The following PTPRF variants were observed in gnomAD, a reference collection of about 807,000 sequenced individuals.
The protein encoded by PTPRF is receptor-type tyrosine-protein phosphatase F.
A neutral mutation model predicts 201.8 loss-of-function variants in PTPRF; 59 were observed. That is an observed-to-expected ratio of 0.29 (90% CI 0.24 to 0.36). The LOEUF is 0.36. PTPRF is among the 10% of genes least tolerant of loss of function. The probability of loss-of-function intolerance (pLI) is 1.00; values close to 1 mark genes in which losing one functional copy is unlikely to be tolerated. For synonymous variants in PTPRF, 1,088 were observed against 1,089.7 expected (o/e 1.00, Z 0.03); for missense variants, 2,132 against 2,690.5 (o/e 0.79, Z 4.59).
intron 6 of PTPRF, among the ~76,000 whole-genome samples, chr1:43,572,966 C>G (rs935234349): frequency 3.3e-5 from 5 of 152,112 alleles, no homozygotes; most frequent in Non-Finnish European, 4.4e-5. Context: ...CCCAGGCCCC[C>G]ACTGACCAGT....
rs774325655 is a variant in PTPRF, at chr1:43,559,128, G to A, written c.379+5187G>A. ...TAACGTGCACTGTTCGTGTGGTGTGGGTGCCCTGTGTGCCATGTTTAAGGC... is the reference window on the plus strand; with the variant it reads ...TAACGTGCACTGTTCGTGTGGTGTGAGTGCCCTGTGTGCCATGTTTAAGGC... On this transcript the variant is annotated intron_variant, in intron 5 of 33. Coordinates refer to ENST00000359947, the MANE Select transcript of PTPRF (RefSeq NM_002840.5). Among the ~76,000 whole-genome samples, 12 of 152,190 alleles carry A rather than the reference G, an allele frequency of 7.9e-5. No individual in the cohort carries two copies. In the South Asian group the frequency reaches 1.7e-3, roughly 21 times the overall value.
intron 6 of PTPRF, among the ~76,000 whole-genome samples, chr1:43,575,390 C>T (rs1453010168): frequency 6.6e-6 from 1 of 152,132 alleles, no homozygotes; most frequent in Non-Finnish European, 1.5e-5. Context: ...GTCCTGCTGC[C>T]CGTTCCTCTC....
At chr1:43,562,399 C>T (rs1000454488) in intron 5 of PTPRF, among the ~76,000 whole-genome samples, 8 of 151,902 alleles carry the variant, frequency 5.3e-5, no homozygotes, top group Admixed American at 5.2e-4. Context: ...TGAGCCACCG[C>T]GCCTGGCCCT....
chr1:43,619,432 C>T lies in PTPRF; in HGVS notation c.4791C>T (p.Tyr1597=), dbSNP rs759889541. ...RNYMVQTEDQ[Y]VFIHEALLEA... ...ACATGGTGCAGACGGAGGACCAGTACGTGTTCATCCATGAGGCGCTGCTGG... is the reference window on the plus strand; with the variant it reads ...ACATGGTGCAGACGGAGGACCAGTATGTGTTCATCCATGAGGCGCTGCTGG... Residue 1597 remains tyrosine (Y), a synonymous_variant, in exon 28 of 34, where the codon TAC becomes TAT. Coordinates refer to ENST00000359947, the MANE Select transcript of PTPRF (RefSeq NM_002840.5). 21 of 1,613,986 alleles carry T rather than the reference C, an allele frequency of 1.3e-5. No individual in the cohort carries two copies. The highest frequency in any genetic ancestry group is 1.6e-4 in the Middle Eastern group (1 of 6,084).
At position 43,542,840 on chromosome 1, in the gene PTPRF, C is replaced by T. The variant is rs1232224842; in HGVS notation, c.-45-2191C>T. 6.6e-6 allele frequency among the ~76,000 whole-genome samples: 1 copy of T among 152,146 alleles called. No homozygotes were observed. Among genetic ancestry groups the T allele is most frequent in the East Asian group, 1.9e-4 (1 of 5,202 alleles). On this transcript the variant is annotated intron_variant, in intron 2 of 33. Coordinates refer to ENST00000359947, the MANE Select transcript of PTPRF (RefSeq NM_002840.5). The surrounding 1 kb of genome is among the most constrained non-coding windows in gnomAD (Gnocchi z 5.2). The stretch of plus-strand genomic sequence containing the variant: ...CCAAGGCGGCTACAGGGGATTAAGC[C>T]TCTGCTCATTGTACTGGGGAGCTAT...
In PTPRF at chr1:43,598,711, A is replaced by G; in HGVS notation, c.2120-9A>G. On this transcript the variant is annotated splice_polypyrimidine_tract_variant and intron_variant, in intron 12 of 33. Coordinates refer to ENST00000359947, the MANE Select transcript of PTPRF (RefSeq NM_002840.5). ...CAGGCCTGACTTCCTTCTCTACCTG[A>G]CCCCCCAGTGCCCAGCGGGCCTCCG... is the stretch of plus-strand genomic sequence containing the variant. 6.2e-7 allele frequency: 1 copy of G among 1,608,704 alleles called. No individual in the cohort carries two copies.
chr1:43,579,193 C>T lies in PTPRF; in HGVS notation c.679+273C>T, dbSNP rs142335790. The T allele has an allele frequency of 9.4e-4, 604 of 645,536 alleles. 5 individuals are homozygous for T. The East Asian group carries it at 0.013, about 14-fold the overall frequency. 40.0% of individuals were successfully genotyped at this position (645,536 alleles called of 1,614,324 possible). ...TTTTGTAGGTCTTGCCGCATGGGCC[C>T]GGAGCCCCATGGGAATTTGGAGCCA... On this transcript the variant is annotated intron_variant, in intron 7 of 33. Transcript: ENST00000359947.
intron 8 of PTPRF, among the ~76,000 whole-genome samples, chr1:43,590,214 C>T (rs573656167): frequency 6.6e-6 from 1 of 152,306 alleles, no homozygotes; most frequent in Admixed American, 6.5e-5. Context: ...TTCCTTCCCT[C>T]ATCACCGCAT....
At position 43,620,486 on chromosome 1, in the gene PTPRF, C is replaced by T; in HGVS notation, c.5271C>T (p.Arg1757=). ...EKCHQYWPAE[R]SARYQYFVVD... ...GCCACCAGTACTGGCCAGCAGAGCGCTCTGCTCGCTACCAGTACTTTGTTG... is the reference window on the plus strand; with the variant it reads ...GCCACCAGTACTGGCCAGCAGAGCGTTCTGCTCGCTACCAGTACTTTGTTG... The change falls in exon 31 of 34, where the codon CGC becomes CGT. Residue 1757 remains arginine (R), a synonymous_variant. Coordinates refer to ENST00000359947, the MANE Select transcript of PTPRF (RefSeq NM_002840.5). The T allele has an allele frequency of 6.2e-7, 1 of 1,613,382 alleles. No individual in the cohort carries two copies. Among genetic ancestry groups the T allele is most frequent in the Non-Finnish European group, 8.5e-7 (1 of 1,179,294 alleles).
At chr1:43,555,431 G>T (rs1645297413) in intron 5 of PTPRF, among the ~76,000 whole-genome samples, 1 of 146,064 alleles carries the variant, frequency 6.8e-6, no homozygotes, top group East Asian at 2.0e-4. Context: ...ATATTCTTCT[G>T]TATCATTATT....
chr1:43,537,560 T>G lies in PTPRF; in HGVS notation c.-125-638T>G, dbSNP rs879457824. On this transcript the variant is annotated intron_variant, in intron 1 of 33. Transcript: ENST00000359947. The surrounding 1 kb of genome is among the most constrained non-coding windows in gnomAD (Gnocchi z 4.8). ...GTCCATGCTCCTATCAAGCTTATGGTAGTGACTCAGTAATTGTAAAAATAT... is the reference window on the plus strand; with the variant it reads ...GTCCATGCTCCTATCAAGCTTATGGGAGTGACTCAGTAATTGTAAAAATAT... 1.3e-5 allele frequency among the ~76,000 whole-genome samples: 2 copies of G among 152,230 alleles called. No individual in the cohort carries two copies. Among genetic ancestry groups the G allele is most frequent in the Non-Finnish European group, 2.9e-5 (2 of 68,048 alleles).
At chr1:43,571,729 C>T (rs568812895) in intron 6 of PTPRF, among the ~76,000 whole-genome samples, 2 of 152,346 alleles carry the variant, frequency 1.3e-5, no homozygotes, top group Admixed American at 1.3e-4. Context: ...AGGTTTGCTG[C>T]TCATACCTTC....
chr1:43,584,356 A>C (rs3791138), intron 7 of PTPRF, among the ~76,000 whole-genome samples: 108,519 of 152,114 alleles, frequency 0.71, 39,350 homozygotes, highest in Non-Finnish European at 0.78. Flanking sequence ...GCTATAGCCT[A>C]GGCTCAGATA....
intron 14 of PTPRF, among the ~76,000 whole-genome samples, chr1:43,602,542 G>C (rs1431618816): frequency 1.3e-5 from 2 of 152,194 alleles, no homozygotes; most frequent in African/African-American, 4.8e-5. Flanking sequence ...CCATGAGGGG[G>C]TGGTGGCAGC....
chr1:43,547,939 G>A (rs923417077), intron 3 of PTPRF, among the ~76,000 whole-genome samples: 4 of 152,184 alleles, frequency 2.6e-5, no homozygotes, highest in South Asian at 2.1e-4. Flanking sequence ...TCTCAAGTGC[G>A]TGTCGCGTGC....
chr1:43,555,764 C>G (rs1214635554), intron 5 of PTPRF, among the ~76,000 whole-genome samples: 1 of 152,156 alleles, frequency 6.6e-6, no homozygotes, highest in African/African-American at 2.4e-5. Context: ...TCCTTAATGG[C>G]TATGGGTAAG....
Position 43,604,083 on chromosome 1 carries a change from C to T in PTPRF, c.2931C>T (p.Gly977=). The change falls in exon 16 of 34, where the codon GGC becomes GGT. Residue 977 remains glycine (G), a synonymous_variant. Transcript: ENST00000359947. ...CAGACACCCGCTTTACCCTTACTGG[C>T]CTCAAGCCAGACACCACTTACGACA... The part of the protein sequence containing the change: ...ITTDTRFTLT[G]LKPDTTYDIK... 1 of 1,614,218 alleles carries T rather than the reference C, an allele frequency of 6.2e-7. No individual in the cohort carries two copies. The highest frequency in any genetic ancestry group is 8.5e-7 in the Non-Finnish European group (1 of 1,180,050).
intron 5 of PTPRF, among the ~76,000 whole-genome samples, chr1:43,563,890 A>G (rs1407732349): frequency 1.3e-5 from 2 of 151,982 alleles, no homozygotes; most frequent in Non-Finnish European, 2.9e-5. Context: ...GGTCGGGTGT[A>G]TGCGCAGGGC....
intron 1 of PTPRF, among the ~76,000 whole-genome samples, chr1:43,534,953 A>C (rs1643911338): frequency 6.6e-6 from 1 of 152,222 alleles, no homozygotes; most frequent in Non-Finnish European, 1.5e-5. Context: ...ATGAGGATTA[A>C]AGATAGTATG....
Sources: allele counts gnomAD v4.1 joint callset (sites outside exome capture counted in the v4.1 genomes callset), GRCh38; gene constraint gnomAD v4.1.1; non-coding constraint Gnocchi (gnomAD v3.1); transcripts MANE v1.5; gene names NCBI Gene and HGNC (gene_info 2026-07-23, HGNC 2026-07-21).